Variants in TNFSF4 observed in about 807,000 individuals in gnomAD.
TNFSF4 encodes TNF superfamily member 4, also known as tumor necrosis factor ligand superfamily member 4.
A neutral mutation model predicts 7.3 loss-of-function variants in TNFSF4; 4 were observed. That is an observed-to-expected ratio of 0.55 (90% CI 0.27 to 1.25). The LOEUF is 1.25. TNFSF4 is among the 50% of genes most tolerant of loss of function. The pLI, the probability that TNFSF4 is intolerant of heterozygous loss-of-function variation, is 0.12. For synonymous variants in TNFSF4, 76 were observed against 83.7 expected, an observed-to-expected ratio of 0.91 and a Z score of 0.50; for missense variants, 181 against 208.8, an observed-to-expected ratio of 0.87 and a Z score of 0.82.
At chr1:173,295,550 A>G in the TNFSF4 span, among the ~76,000 whole-genome samples, 5 of 152,110 alleles carry the variant, frequency 3.3e-5, no homozygotes. Context: ...CTCAACTTTA[A>G]TTTTCAGTCA....
At chr1:173,303,983 A>G in the TNFSF4 span, among the ~76,000 whole-genome samples, 1 of 151,944 alleles carries the variant, frequency 6.6e-6, no homozygotes, top group Non-Finnish European at 1.5e-5. Flanking sequence ...AGAAAGATAT[A>G]TTGCTTTAAA....
At chr1:173,238,377 C>T in the TNFSF4 span, among the ~76,000 whole-genome samples, 1 of 152,058 alleles carries the variant, frequency 6.6e-6, no homozygotes, top group Non-Finnish European at 1.5e-5. Flanking sequence ...AAAGCAATTG[C>T]AATAAAGCAA....
chr1:173,402,204 A>C, the TNFSF4 span, among the ~76,000 whole-genome samples: 2 of 152,192 alleles, frequency 1.3e-5, no homozygotes, highest in Non-Finnish European at 2.9e-5. Context: ...ACCTCAGCCA[A>C]AGGTACAACA....
chr1:173,224,119 G>T, the TNFSF4 span, among the ~76,000 whole-genome samples: 6 of 152,196 alleles, frequency 3.9e-5, no homozygotes, highest in African/African-American at 1.4e-4. Flanking sequence ...CCAAACATAG[G>T]ACATTTTCAG....
chr1:173,342,297 A>T, the TNFSF4 span, among the ~76,000 whole-genome samples: 1 of 152,162 alleles, frequency 6.6e-6, no homozygotes, highest in Non-Finnish European at 1.5e-5. Flanking sequence ...CCCCTTCCCC[A>T]TATACCTGCT....
intron 2 of TNFSF4, among the ~76,000 whole-genome samples, chr1:173,187,305 C>G (rs941622060): frequency 2.0e-5 from 3 of 152,182 alleles, no homozygotes; most frequent in Non-Finnish European, 4.4e-5. Flanking sequence ...TTCAGTGCCT[C>G]CTTTCTTGCT....
At chr1:173,248,362 AC>A in the TNFSF4 span, among the ~76,000 whole-genome samples, 1 of 151,470 alleles carries the variant, frequency 6.6e-6, no homozygotes, top group African/African-American at 2.4e-5. Context: ...TCAAAAAAAA[AC>A]AAAGGAAGAA....
At chr1:173,446,257 AG>A in the TNFSF4 span, among the ~76,000 whole-genome samples, 1 of 152,136 alleles carries the variant, frequency 6.6e-6, no homozygotes, top group Non-Finnish European at 1.5e-5. Flanking sequence ...GCAGAATAAT[AG>A]AAACTATAAA....
chr1:173,382,457 A>G, the TNFSF4 span, among the ~76,000 whole-genome samples: 1 of 152,242 alleles, frequency 6.6e-6, no homozygotes, highest in African/African-American at 2.4e-5. Flanking sequence ...ACACATTAGG[A>G]GAAATACCTA....
At chr1:173,183,065 A>G (rs1272203119), downstream of TNFSF4, among the ~76,000 whole-genome samples, 1 of 152,228 alleles carries the variant, frequency 6.6e-6, no homozygotes, top group Non-Finnish European at 1.5e-5. Flanking sequence ...ATTCAACTTA[A>G]TAAACAGATG....
At chr1:173,373,315 T>C in the TNFSF4 span, among the ~76,000 whole-genome samples, 1 of 152,080 alleles carries the variant, frequency 6.6e-6, no homozygotes, top group African/African-American at 2.4e-5. Context: ...GAGGCCAAAA[T>C]TGCTGCCAGG....
At chr1:173,287,262 G>A in the TNFSF4 span, among the ~76,000 whole-genome samples, 73 of 152,264 alleles carry the variant, frequency 4.8e-4, no homozygotes, top group South Asian at 1.5e-3. Context: ...TTGAACCCAG[G>A]AGTTTGAGGC....
chr1:173,233,576 T>G, the TNFSF4 span, among the ~76,000 whole-genome samples: 3 of 152,228 alleles, frequency 2.0e-5, no homozygotes, highest in African/African-American at 7.2e-5. Context: ...AAAGGTTACC[T>G]TGCAGATTCT....
the TNFSF4 span, among the ~76,000 whole-genome samples, chr1:173,214,155 C>T: frequency 6.6e-6 from 1 of 152,164 alleles, no homozygotes; most frequent in Admixed American, 6.5e-5. Flanking sequence ...TCTGAAACAC[C>T]TCTCCACTCC....
the TNFSF4 span, among the ~76,000 whole-genome samples, chr1:173,422,823 C>T: frequency 1.7e-3 from 264 of 152,312 alleles, 2 homozygotes; most frequent in African/African-American, 5.8e-3. Context: ...CAAGGAAGTA[C>T]AAATGCAAGA....
At chr1:173,233,127 A>T in the TNFSF4 span, among the ~76,000 whole-genome samples, 1 of 152,156 alleles carries the variant, frequency 6.6e-6, no homozygotes, top group Non-Finnish European at 1.5e-5. Context: ...TGTAGAGAAG[A>T]CCTTAAATGA....
the TNFSF4 span, among the ~76,000 whole-genome samples, chr1:173,374,053 C>CACA: frequency 1.3e-5 from 2 of 152,148 alleles, no homozygotes; most frequent in Non-Finnish European, 2.9e-5. Flanking sequence ...AGGAAACTAA[C>CACA]ACAAGAAACT....
chr1:173,240,063 A>G, the TNFSF4 span, among the ~76,000 whole-genome samples: 2 of 152,114 alleles, frequency 1.3e-5, no homozygotes, highest in Admixed American at 1.3e-4. Flanking sequence ...GAATGGGCTC[A>G]GTGGTTGAGT....
chr1:173,299,208 C>T, the TNFSF4 span, among the ~76,000 whole-genome samples: 1 of 151,910 alleles, frequency 6.6e-6, no homozygotes, highest in Non-Finnish European at 1.5e-5. Flanking sequence ...GAAGCACACT[C>T]CTTTTCCCCA....
Sources: allele counts gnomAD v4.1 joint callset (sites outside exome capture counted in the v4.1 genomes callset), GRCh38; gene constraint gnomAD v4.1.1; transcripts MANE v1.5; gene names NCBI Gene and HGNC (gene_info 2026-07-23, HGNC 2026-07-21).